The following ITSN2 variants were observed in gnomAD, a reference collection of about 807,000 sequenced individuals.
The protein encoded by ITSN2 is intersectin-2.
In ITSN2, 156 loss-of-function variants were observed where a neutral mutation model predicts 243.7. The ratio of observed to expected loss-of-function variants is 0.64; its 90% CI spans 0.56 to 0.73. ITSN2 has a LOEUF of 0.73. ITSN2 is among the 30% of genes least tolerant of loss of function. The pLI is 0.00. For missense variants in ITSN2, 1,801 were observed against 1,996.1 expected (o/e 0.90, Z 1.86); for synonymous variants, 703 against 699.9 (o/e 1.00, Z -0.07).
chr2:24,277,891 C>CA (rs1363146504), intron 17 of ITSN2, among the ~76,000 whole-genome samples: 11 of 152,224 alleles, frequency 7.2e-5, no homozygotes, highest in African/African-American at 2.4e-4. Context: ...AGAAAGTTTA[C>CA]AAATTTGTGT....
rs148234669 is a variant in ITSN2, at chr2:24,356,903, C to CA, written c.-34+3400dup. On this transcript the variant is annotated intron_variant, in intron 1 of 39. Transcript: ENST00000355123. Reference sequence around the variant, plus strand: ...GGGCAACAAGAGTGAGACTCCGTCTCAAAAAAAAAAAAACACAATGAGATA... The same window carrying CA: ...GGGCAACAAGAGTGAGACTCCGTCTCAAAAAAAAAAAAAACACAATGAGATA... Among the ~76,000 whole-genome samples the CA allele has an allele frequency of 6.7e-3, 804 of 120,118 alleles. 6 individuals carry two copies. The highest frequency in any genetic ancestry group is 8.2e-3 in the Non-Finnish European group (476 of 57,770). 78.8% of individuals were successfully genotyped at this position (120,118 alleles called of 152,430 possible). A position where few individuals can be genotyped will look rare whatever the true frequency, so the allele number is the denominator to read the frequency against.
chr2:24,301,171 G>T lies in ITSN2; in HGVS notation c.1064C>A (p.Pro355His). The T allele has an allele frequency of 6.2e-7, 1 of 1,602,362 alleles. No homozygotes were observed. The highest frequency in any genetic ancestry group is 8.5e-7 in the Non-Finnish European group (1 of 1,171,552). ...PSYQKMQEEE[P>H]QKKLPVTFED... ...AGTGATACCTGGTAATTTCTTCTGA[G>T]GCTCCTCTTCTTGCATTTTCTGATA... is the stretch of plus-strand genomic sequence containing the variant. The change falls in exon 11 of 40, where the codon CCT becomes CAT. Residue 355 changes from proline to histidine, a missense_variant. Physicochemically the swap from Pro to His is moderately conservative, Grantham distance 77 (BLOSUM62 -2). Coordinates refer to ENST00000355123, the MANE Select transcript of ITSN2 (RefSeq NM_006277.3).
chr2:24,263,434 T>A (rs545650563), intron 20 of ITSN2, among the ~76,000 whole-genome samples: 9 of 152,344 alleles, frequency 5.9e-5, no homozygotes, highest in Admixed American at 1.3e-4. Flanking sequence ...ATCATTAATA[T>A]AAATTTCATG....
intron 20 of ITSN2, among the ~76,000 whole-genome samples, chr2:24,262,480 C>G (rs1415309871): frequency 6.6e-6 from 1 of 152,130 alleles, no homozygotes; most frequent in African/African-American, 2.4e-5. Context: ...GGTGATTTAT[C>G]AATTTCATTG....
At chr2:24,310,467 T>A in intron 6 of ITSN2, 22 bp downstream of exon 6, 1 of 1,610,974 alleles carries the variant, frequency 6.2e-7, no homozygotes, top group Non-Finnish European at 8.5e-7. Context: ...AAATAATGAC[T>A]CTTTAGAAAC....
At chr2:24,335,609 C>A (rs912561138) in intron 1 of ITSN2, among the ~76,000 whole-genome samples, 2 of 151,964 alleles carry the variant, frequency 1.3e-5, no homozygotes, top group Non-Finnish European at 2.9e-5. Flanking sequence ...GCTGGGATTA[C>A]AAGCGAAAGC....
chr2:24,209,285 C>T (rs762910028), intron 35 of ITSN2, 64 bp from the exon 36 acceptor site: 7 of 1,595,518 alleles, frequency 4.4e-6, no homozygotes, highest in Non-Finnish European at 6.0e-6. Context: ...CCGCCTATGT[C>T]CAGAGAGAGT....
chr2:24,225,083 G>A lies in ITSN2; in HGVS notation c.3578-4017C>T, dbSNP rs1032383698. On this transcript the variant is annotated intron_variant, in intron 29 of 39. Coordinates refer to ENST00000355123, the MANE Select transcript of ITSN2 (RefSeq NM_006277.3). This position sits in a 1 kb window ranked among gnomAD's most constrained non-coding sequence, Gnocchi z 4.2. ...CCATTTGTCCCTGTGTGTCCTTCCT[G>A]AGTTAGGGAAGGAGGGGTCCTGTTT... Among the ~76,000 whole-genome samples the A allele has an allele frequency of 6.6e-6, 1 of 152,064 alleles. No individual in the cohort carries two copies. The highest frequency in any genetic ancestry group is 2.4e-5 in the African/African-American group (1 of 41,376).
chr2:24,317,178 C>T (rs1684035539), intron 2 of ITSN2, among the ~76,000 whole-genome samples: 1 of 152,154 alleles, frequency 6.6e-6, no homozygotes, highest in Non-Finnish European at 1.5e-5. Flanking sequence ...GTCAGGAGTT[C>T]AAGACCAACC....
At chr2:24,208,017 G>C (rs920198208) in intron 37 of ITSN2, among the ~76,000 whole-genome samples, 3 of 152,036 alleles carry the variant, frequency 2.0e-5, no homozygotes, top group African/African-American at 7.2e-5. Context: ...TGCAGAGAGG[G>C]AGGTCCCGGA....
In ITSN2 at chr2:24,261,848, A is replaced by T. The variant is rs1191062658; in HGVS notation, c.2356-106T>A. The T allele has an allele frequency of 5.2e-6, 4 of 773,538 alleles. No individual in the cohort carries two copies. The African/African-American group carries it at 7.0e-5, about 14-fold the overall frequency. 47.9% of individuals were successfully genotyped at this position (773,538 alleles called of 1,614,324 possible). On this transcript the variant is annotated intron_variant, in intron 20 of 39. Coordinates refer to ENST00000355123, the MANE Select transcript of ITSN2 (RefSeq NM_006277.3). ...TATTCTCATTTTCAGAATTAAGCCCATCTAACTAAACAGCTAAGGCATTTT... is the reference window on the plus strand; with the variant it reads ...TATTCTCATTTTCAGAATTAAGCCCTTCTAACTAAACAGCTAAGGCATTTT...
At chr2:24,338,726 T>C (rs1371535910) in intron 1 of ITSN2, among the ~76,000 whole-genome samples, 2 of 152,102 alleles carry the variant, frequency 1.3e-5, no homozygotes, top group Admixed American at 6.5e-5. Context: ...GTGCAGTGGC[T>C]CACACCTGTA....
intron 18 of ITSN2, 64 bp from the exon 19 acceptor site, chr2:24,272,005 T>C (rs1677420763): frequency 2.4e-6 from 3 of 1,276,476 alleles, no homozygotes; most frequent in Middle Eastern, 2.7e-4. Context: ...AATAAAAACA[T>C]ACTAAGATCT....
intron 4 of ITSN2, among the ~76,000 whole-genome samples, chr2:24,313,242 C>A (rs1683483849): frequency 6.6e-6 from 1 of 151,700 alleles, no homozygotes; most frequent in African/African-American, 2.4e-5. Context: ...GGCCACCACA[C>A]CCAGCTAATT....
In ITSN2 at chr2:24,347,383, T is replaced by TAA. The variant is rs34826976; in HGVS notation, c.-34+12919_-34+12920dup. Among the ~76,000 whole-genome samples, 48 of 151,246 alleles carry TAA rather than the reference T, an allele frequency of 3.2e-4. 1 individual carries two copies. Among genetic ancestry groups the TAA allele is most frequent in the South Asian group, 2.5e-3 (12 of 4,796 alleles). On this transcript the variant is annotated intron_variant, in intron 1 of 39. Transcript: ENST00000355123. ...GGATATGTTTATTATATAATGTAAT[T>TAA]AAAAAAAAAATACAAATTGTAGGCC...
chr2:24,246,930 G>A, intron 27 of ITSN2, 37 bp from the exon 28 acceptor site: 1 of 1,316,390 alleles, frequency 7.6e-7, no homozygotes, highest in Non-Finnish European at 1.1e-6. Context: ...ATTGAAAGAT[G>A]AGATTAAAAA....
At position 24,203,486 on chromosome 2, in the gene ITSN2, A is replaced by G. The variant is rs988898885; in HGVS notation, c.*140T>C. The G allele has an allele frequency of 6.4e-6, 5 of 780,180 alleles. No individual in the cohort carries two copies. The African/African-American group carries it at 8.7e-5, about 14-fold the overall frequency. The allele number at this position is 780,180 out of a possible 1,614,324, so 48.3% of individuals were successfully genotyped here. A position where few individuals can be genotyped will look rare whatever the true frequency, so the allele number is the denominator to read the frequency against. ...ATAGATTGCTAGCTATTTAGTGTGC[A>G]GGAAAACAGAGCCCCCAGCGTGCAT... is the stretch of plus-strand genomic sequence containing the variant. On this transcript the variant is annotated 3_prime_UTR_variant, in exon 40 of 40. Transcript: ENST00000355123.
At chr2:24,235,257 AATC>A (rs1256930419) in intron 29 of ITSN2, among the ~76,000 whole-genome samples, 1 of 152,204 alleles carries the variant, frequency 6.6e-6, no homozygotes, top group Non-Finnish European at 1.5e-5. Flanking sequence ...GTGTGATTCC[AATC>A]ATATGATATT....
chr2:24,357,483 A>T (rs1028870166), intron 1 of ITSN2, among the ~76,000 whole-genome samples: 1 of 152,122 alleles, frequency 6.6e-6, no homozygotes, highest in African/African-American at 2.4e-5. Context: ...GTGGGGGGGC[A>T]ATGAGGGAAG....
Sources: allele counts gnomAD v4.1 joint callset (sites outside exome capture counted in the v4.1 genomes callset), GRCh38; gene constraint gnomAD v4.1.1; non-coding constraint Gnocchi (gnomAD v3.1); transcripts MANE v1.5; gene names NCBI Gene and HGNC (gene_info 2026-07-23, HGNC 2026-07-21).